Variants in SNTB1 observed in about 807,000 individuals in gnomAD.
SNTB1 encodes syntrophin beta 1, also known as beta-1-syntrophin.
In SNTB1, 36 loss-of-function variants were observed where a neutral mutation model predicts 48.9. That is an observed-to-expected ratio of 0.74 (90% CI 0.56 to 0.97). SNTB1 has a LOEUF of 0.97. Among genes scored for constraint, SNTB1 ranks in the 50% least tolerant of loss-of-function variants. The pLI, the probability that SNTB1 is intolerant of heterozygous loss-of-function variation, is 0.00. For synonymous variants in SNTB1, 299 were observed against 294.6 expected, an observed-to-expected ratio of 1.01 and a Z score of -0.15; for missense variants, 786 against 703.4, an observed-to-expected ratio of 1.12 and a Z score of -1.33.
At chr8:120,613,211 C>G (rs1265950901) in intron 3 of SNTB1, among the ~76,000 whole-genome samples, 1 of 152,000 alleles carries the variant, frequency 6.6e-6, no homozygotes, top group East Asian at 1.9e-4. Context: ...ATTAGCCAGG[C>G]ATGGTGGTGG....
intron 4 of SNTB1, among the ~76,000 whole-genome samples, chr8:120,555,239 GA>G (rs1425740394): frequency 6.6e-6 from 1 of 152,198 alleles, no homozygotes; most frequent in Non-Finnish European, 1.5e-5. Flanking sequence ...TTAATAGGTA[GA>G]AGAGAAAGGG....
chr8:120,683,224 G>A (rs1817967314), intron 2 of SNTB1, among the ~76,000 whole-genome samples: 1 of 152,086 alleles, frequency 6.6e-6, no homozygotes, highest in South Asian at 2.1e-4. Context: ...AACTTCTTAT[G>A]TTAAATTACA....
chr8:120,811,013 G>T (rs2130199855), intron 1 of SNTB1, among the ~76,000 whole-genome samples: 1 of 152,222 alleles, frequency 6.6e-6, no homozygotes, highest in Non-Finnish European at 1.5e-5. Flanking sequence ...TGCTAGCCTC[G>T]CTTTTCCATA....
At chr8:120,574,903 T>C (rs972512584) in intron 4 of SNTB1, among the ~76,000 whole-genome samples, 183 bp downstream of exon 4, 1 of 152,236 alleles carries the variant, frequency 6.6e-6, no homozygotes, top group Non-Finnish European at 1.5e-5. Context: ...TCTGTGTTGT[T>C]GCTTCATGTT....
intron 1 of SNTB1, among the ~76,000 whole-genome samples, chr8:120,749,231 C>A (rs545519994): frequency 5.3e-5 from 8 of 152,056 alleles, no homozygotes; most frequent in Non-Finnish European, 1.0e-4. Context: ...TCCAAAGACC[C>A]GTTTTCTCCA....
chr8:120,565,955 T>C (rs561256009), intron 4 of SNTB1, among the ~76,000 whole-genome samples: 3 of 152,132 alleles, frequency 2.0e-5, no homozygotes, highest in Non-Finnish European at 4.4e-5. Flanking sequence ...ACGCCTGTAA[T>C]CTCAGCACTT....
intron 1 of SNTB1, among the ~76,000 whole-genome samples, 157 bp downstream of exon 1, chr8:120,811,116 C>T (rs973501826): frequency 6.6e-5 from 10 of 151,856 alleles, no homozygotes; most frequent in Non-Finnish European, 1.0e-4. Flanking sequence ...ATGCTGCCAC[C>T]CCCTGCGCCA....
At chr8:120,607,176 G>T (rs1816537063) in intron 3 of SNTB1, among the ~76,000 whole-genome samples, 1 of 152,028 alleles carries the variant, frequency 6.6e-6, no homozygotes, top group African/African-American at 2.4e-5. Context: ...ATAGTCAAAG[G>T]TAATAAAAGT....
chr8:120,754,879 T>G (rs993039062), intron 1 of SNTB1, among the ~76,000 whole-genome samples: 2 of 152,062 alleles, frequency 1.3e-5, no homozygotes, highest in African/African-American at 4.8e-5. Context: ...CATTATGGAC[T>G]GTAGAGTTGT....
chr8:120,642,347 A>T lies in SNTB1; in HGVS notation c.789-9696T>A, dbSNP rs191528572. Among the ~76,000 whole-genome samples, 20 of 152,328 alleles carry T rather than the reference A, an allele frequency of 1.3e-4. No individual in the cohort carries two copies. The East Asian group carries it at 3.9e-3, about 29-fold the overall frequency. On this transcript the variant is annotated intron_variant, in intron 2 of 6. Transcript: ENST00000517992. Reference sequence around the variant, plus strand: ...GATATCCTTTAATAGGCTTCTTTTTAAAAAATCATTCAGTTAAATATAAAT... The same window carrying T: ...GATATCCTTTAATAGGCTTCTTTTTTAAAAATCATTCAGTTAAATATAAAT...
At chr8:120,615,834 A>G (rs1182878416) in intron 3 of SNTB1, among the ~76,000 whole-genome samples, 1 of 151,264 alleles carries the variant, frequency 6.6e-6, no homozygotes, top group Non-Finnish European at 1.5e-5. Context: ...CCTTCCTTTT[A>G]TCTTTTCTTC....
chr8:120,799,711 T>C (rs575018964), intron 1 of SNTB1, among the ~76,000 whole-genome samples: 56 of 152,016 alleles, frequency 3.7e-4, no homozygotes, highest in Non-Finnish European at 7.4e-4. Flanking sequence ...TGTAAGAGTC[T>C]TCAGTTCAGA....
chr8:120,666,077 T>C (rs564627870), intron 2 of SNTB1, among the ~76,000 whole-genome samples: 15 of 152,312 alleles, frequency 9.8e-5, no homozygotes, highest in Middle Eastern at 3.4e-3. Context: ...TTAGAATCAG[T>C]TTTCCAATTT....
intron 1 of SNTB1, among the ~76,000 whole-genome samples, chr8:120,696,931 A>G (rs1357535741): frequency 6.6e-6 from 1 of 152,190 alleles, no homozygotes; most frequent in African/African-American, 2.4e-5. Context: ...AGTCGTGGTG[A>G]TCTGTGAGTG....
At chr8:120,623,001 T>C (rs1188377133) in intron 3 of SNTB1, among the ~76,000 whole-genome samples, 1 of 152,230 alleles carries the variant, frequency 6.6e-6, no homozygotes, top group East Asian at 1.9e-4. Context: ...CTGGCTCCCT[T>C]GGCTTAAAGT....
At chr8:120,705,319 A>G (rs750637060) in intron 1 of SNTB1, among the ~76,000 whole-genome samples, 29 of 152,230 alleles carry the variant, frequency 1.9e-4, no homozygotes, top group Non-Finnish European at 3.7e-4. Flanking sequence ...TCACTGAATC[A>G]ATGTAAGTAA....
intron 2 of SNTB1, among the ~76,000 whole-genome samples, chr8:120,642,253 G>C (rs989781866): frequency 1.3e-5 from 2 of 152,210 alleles, no homozygotes; most frequent in Admixed American, 6.5e-5. Context: ...AAAAGACATA[G>C]AGCAGAGAGG....
At chr8:120,589,770 C>T (rs1816208588) in intron 3 of SNTB1, among the ~76,000 whole-genome samples, 1 of 152,092 alleles carries the variant, frequency 6.6e-6, no homozygotes, top group Admixed American at 6.5e-5. Flanking sequence ...ACCTAATGAC[C>T]CGCCCTCATG....
At chr8:120,635,600 AC>A (rs1470360914) in intron 2 of SNTB1, 1 of 168,170 alleles carries the variant, frequency 5.9e-6, no homozygotes, top group African/African-American at 2.4e-5. Context: ...GATTAAGTTT[AC>A]TTTTTTCCAG....
Sources: allele counts gnomAD v4.1 joint callset (sites outside exome capture counted in the v4.1 genomes callset), GRCh38; gene constraint gnomAD v4.1.1; transcripts MANE v1.5; gene names NCBI Gene and HGNC (gene_info 2026-07-23, HGNC 2026-07-21).